Variants in UNC13A observed in about 807,000 individuals in gnomAD.
UNC13A encodes unc-13 homolog A.
In UNC13A, 61 loss-of-function variants were observed where a neutral mutation model predicts 219.7. The ratio of observed to expected loss-of-function variants is 0.28; its 90% CI spans 0.23 to 0.34. The LOEUF (loss-of-function observed/expected upper bound fraction) is 0.34, where lower values mean the gene tolerates loss of function less well. Among genes scored for constraint, UNC13A ranks in the 10% least tolerant of loss-of-function variants. UNC13A has a pLI of 1.00. For synonymous variants in UNC13A, 920 were observed against 884.6 expected (o/e 1.04, Z -0.71); for missense variants, 1,476 against 2,270.3 (o/e 0.65, Z 7.11).
chr19:17,685,737 A>G (rs2080095910), intron 1 of UNC13A, among the ~76,000 whole-genome samples: 2 of 152,152 alleles, frequency 1.3e-5, no homozygotes, highest in South Asian at 2.1e-4. Flanking sequence ...GAGCCTTCAT[A>G]CATCCTAAGC....
Position 17,627,465 on chromosome 19 carries a change from G to A in UNC13A, c.3920+44C>T, listed in dbSNP as rs1157574201. Reference sequence around the variant, plus strand: ...GATGCCCCAGGCTTAGAGGGCTGAAGGCTGTTCCCTCCCCACTGCCCCCAG... The same window carrying A: ...GATGCCCCAGGCTTAGAGGGCTGAAAGCTGTTCCCTCCCCACTGCCCCCAG... On this transcript the variant is annotated intron_variant, in intron 33 of 43. Transcript: ENST00000519716. The surrounding 1 kb of genome is among the most constrained non-coding windows in gnomAD (Gnocchi z 4.7). The A allele has an allele frequency of 1.4e-6, 2 of 1,473,324 alleles. No homozygotes were observed. Among genetic ancestry groups the A allele is most frequent in the South Asian group, 1.2e-5 (1 of 82,408 alleles). The allele number at this position is 1,473,324 out of a possible 1,614,324, so 91.3% of individuals were successfully genotyped here.
At chr19:17,676,253 G>C in intron 1 of UNC13A, 1 of 682,134 alleles carries the variant, frequency 1.5e-6, no homozygotes. Flanking sequence ...GAGGAGGAGA[G>C]GTAGGAAAGA....
intron 38 of UNC13A, 100 bp from the exon 39 acceptor site, chr19:17,619,062 GGC>G: frequency 9.0e-7 from 1 of 1,108,994 alleles, no homozygotes; most frequent in Non-Finnish European, 1.4e-6. Context: ...CTCTGGGCAG[GGC>G]AATAATTGTG....
Position 17,633,154 on chromosome 19 carries a change from T to G in UNC13A, c.3255A>C (p.Glu1085Asp). 1 of 1,614,110 alleles carries G rather than the reference T, an allele frequency of 6.2e-7. No homozygotes were observed. The highest frequency in any genetic ancestry group is 8.5e-7 in the Non-Finnish European group (1 of 1,179,986). The change falls in exon 27 of 44, where the codon GAA becomes GAC. Residue 1085 changes from glutamate (E) to aspartate (D), a missense_variant. Coordinates refer to ENST00000519716, the MANE Select transcript of UNC13A (RefSeq NM_001080421.3). ...QELNVGKISA[E>D]VMWNLFAQDM... ...CTTGGGCAAACAGATTCCACATCAC[T>G]TCAGCGCTGATTTTACCCACATTCA...
rs1203213556 is a variant in UNC13A, at chr19:17,602,176, A to G, written c.*3878T>C. 2.0e-5 allele frequency: 3 copies of G among 152,526 alleles called. No individual in the cohort carries two copies. The highest frequency in any genetic ancestry group is 1.3e-4 in the Admixed American group (2 of 15,264). 9.4% of individuals were successfully genotyped at this position (152,526 alleles called of 1,614,324 possible). On this transcript the variant is annotated 3_prime_UTR_variant, in exon 44 of 44. Transcript: ENST00000519716. ...GACAGGCACCTCCTCATTTTATGCAAATCATTCGAGGACAGACTGGTAAGA... is the reference window on the plus strand; with the variant it reads ...GACAGGCACCTCCTCATTTTATGCAGATCATTCGAGGACAGACTGGTAAGA...
At position 17,645,566 on chromosome 19, in the gene UNC13A, C is replaced by T. The variant is rs2077017399; in HGVS notation, c.2356+108G>A. Reference sequence around the variant, plus strand: ...GCCTCCCCCATCAGATTATGCTCCTCGACCAAACTCCTCCTGAGAACACAT... The same window carrying T: ...GCCTCCCCCATCAGATTATGCTCCTTGACCAAACTCCTCCTGAGAACACAT... On this transcript the variant is annotated intron_variant, in intron 19 of 43. Transcript: ENST00000519716. 45 of 1,495,262 alleles carry T rather than the reference C, an allele frequency of 3.0e-5. 1 individual carries two copies. The highest frequency in any genetic ancestry group is 6.6e-5 in the South Asian group (5 of 75,890). The allele number at this position is 1,495,262 out of a possible 1,614,324, so 92.6% of individuals were successfully genotyped here.
chr19:17,654,010 C>CTA (rs2079403184), intron 11 of UNC13A, among the ~76,000 whole-genome samples: 1 of 151,342 alleles, frequency 6.6e-6, no homozygotes, highest in East Asian at 2.0e-4. Flanking sequence ...TGTACTTTCA[C>CTA]TAGAGACGGG....
chr19:17,654,862 C>T (rs1221033619), intron 11 of UNC13A, among the ~76,000 whole-genome samples: 1 of 152,198 alleles, frequency 6.6e-6, no homozygotes, highest in Admixed American at 6.5e-5. Flanking sequence ...TCTCTCCTCC[C>T]TCTAGATCTA....
chr19:17,646,260 G>T (rs2077024994), intron 17 of UNC13A, 149 bp from the exon 18 acceptor site: 3 of 910,434 alleles, frequency 3.3e-6, no homozygotes, highest in Non-Finnish European at 3.2e-6. Flanking sequence ...TGCCAGAGAG[G>T]TTTTTTGTGT....
chr19:17,636,143 T>A lies in UNC13A; in HGVS notation c.3096A>T (p.Glu1032Asp), dbSNP rs781778071. 1.9e-6 allele frequency: 3 copies of A among 1,598,102 alleles called. No homozygotes were observed. The highest frequency in any genetic ancestry group is 3.5e-5 in the Admixed American group (2 of 57,242). ...TGGGCCCCTGTTCCTCTGGGAGAAC[T>A]TCCCCCTTCTTGGCCTGAAATGGAC... ...EYQTDPAKKG[E>D]VLPEEQGPSI... The change falls in exon 26 of 44, where the codon GAA becomes GAT. Residue 1032 changes from glutamate to aspartate, a missense_variant. By Grantham distance (45) the Glu-to-Asp change is conservative (BLOSUM62 2). Around this residue, in one of 14 missense-constraint regions of UNC13A, gnomAD observed 24 missense variants for 16.0 expected, o/e 1.50. Coordinates refer to ENST00000519716, the MANE Select transcript of UNC13A (RefSeq NM_001080421.3).
At chr19:17,659,254 GC>G (rs1289219708) in intron 8 of UNC13A, among the ~76,000 whole-genome samples, 5 of 152,028 alleles carry the variant, frequency 3.3e-5, no homozygotes, top group African/African-American at 1.2e-4. Flanking sequence ...ACCAGCCTGG[GC>G]AACATACCAA....
Position 17,623,520 on chromosome 19 carries a change from GGACA to G in UNC13A, c.4203+18_4203+21del. 1 of 1,520,996 alleles carries G rather than the reference GGACA, an allele frequency of 6.6e-7. No individual in the cohort carries two copies. The highest frequency in any genetic ancestry group is 1.4e-5 in the African/African-American group (1 of 71,598). 94.2% of individuals were successfully genotyped at this position (1,520,996 alleles called of 1,614,324 possible). A position where few individuals can be genotyped will look rare whatever the true frequency, so the allele number is the denominator to read the frequency against. ...ACACAGAGAGGACGGACAGACAGAC[GGACA>G]GACGGGACTCTACTTACGATCATCT... On this transcript the variant is annotated intron_variant, in intron 36 of 43. Transcript: ENST00000519716.
At chr19:17,617,307 C>T (rs1264486960) in intron 41 of UNC13A, among the ~76,000 whole-genome samples, 1 of 152,172 alleles carries the variant, frequency 6.6e-6, no homozygotes, top group African/African-American at 2.4e-5. Flanking sequence ...CAGGAGCTGA[C>T]AATCATTCAT....
At chr19:17,619,078 C>A in intron 38 of UNC13A, 116 bp from the exon 39 acceptor site, 2 of 953,552 alleles carry the variant, frequency 2.1e-6, no homozygotes, top group East Asian at 2.4e-5. Context: ...AATTGTGTCC[C>A]AGGGACAGAG....
intron 28 of UNC13A, among the ~76,000 whole-genome samples, chr19:17,631,188 T>TTCCTCCCTCCC (rs751272969): frequency 4.0e-5 from 1 of 25,228 alleles, no homozygotes; most frequent in East Asian, 7.7e-4. Context: ...CTTTCCTTCC[T>TTCCTCCCTCCC]TCCCTCCCTC....
chr19:17,670,031 C>T (rs1310293300), intron 4 of UNC13A, among the ~76,000 whole-genome samples: 1 of 149,742 alleles, frequency 6.7e-6, no homozygotes, highest in Non-Finnish European at 1.5e-5. Context: ...ACTGCAAGCT[C>T]TGCCTCCTGG....
At chr19:17,683,359 C>T (rs540904729) in intron 1 of UNC13A, among the ~76,000 whole-genome samples, 4 of 152,086 alleles carry the variant, frequency 2.6e-5, no homozygotes, top group South Asian at 2.1e-4. Context: ...GGGCTGGGCA[C>T]GGTGGCTCGA....
At chr19:17,618,383 A>G (rs371872396) in intron 40 of UNC13A, 38 bp downstream of exon 40, 166 of 1,547,860 alleles carry the variant, frequency 1.1e-4, no homozygotes, top group Non-Finnish European at 1.4e-4. Flanking sequence ...CACCCTCTAC[A>G]TCCCCCACCT....
In UNC13A at chr19:17,656,259, A is replaced by T. The variant is rs750051670; in HGVS notation, c.907T>A (p.Ser303Thr). 6.4e-7 allele frequency: 1 copy of T among 1,551,138 alleles called. No individual in the cohort carries two copies. The highest frequency in any genetic ancestry group is 8.7e-7 in the Non-Finnish European group (1 of 1,147,044). Residue 303 changes from serine (S) to threonine (T), a missense_variant, in exon 10 of 44, where the codon TCC becomes ACC. Physicochemically the swap from Ser to Thr is moderately conservative, Grantham distance 58 (BLOSUM62 1). Transcript: ENST00000519716. ...TGGTAGCTGACCGAGCTGTGGCAGG[A>T]GTGGTAGGAGTCCCGGTCCCGCTCA... Reference protein sequence around the residue: ...EDERDRDSYHSCHSSVSYHKD... With the variant: ...EDERDRDSYHTCHSSVSYHKD...
Sources: gnomAD v4.1 joint callset for allele counts (sites outside exome capture counted in the v4.1 genomes callset) on GRCh38, gnomAD v4.1.1 for gene constraint, gnomAD v4.1.1 regional missense constraint, Gnocchi (gnomAD v3.1) non-coding constraint, MANE v1.5 for transcripts, NCBI Gene and HGNC (gene_info 2026-07-23, HGNC 2026-07-21) for gene names.